The following MED6 variants were observed in gnomAD, a reference collection of about 807,000 sequenced individuals.
MED6 encodes the protein mediator complex subunit 6, also known as mediator of RNA polymerase II transcription subunit 6.
In MED6, 33 loss-of-function variants were observed where a neutral mutation model predicts 37.5. That is an observed-to-expected ratio of 0.88 (90% CI 0.67 to 1.18). The LOEUF is 1.18. Among genes scored for constraint, MED6 ranks in the 50% most tolerant of loss-of-function variants. The probability of loss-of-function intolerance (pLI) is 0.00; values close to 1 mark genes in which losing one functional copy is unlikely to be tolerated. For missense variants in MED6, 235 were observed against 290.6 expected, an observed-to-expected ratio of 0.81 and a Z score of 1.39; for synonymous variants, 94 against 93.6, an observed-to-expected ratio of 1.00 and a Z score of -0.02.
chr14:70,591,576 T>C, intron 5 of MED6, 195 bp from the exon 6 acceptor site: 1 of 488,782 alleles, frequency 2.0e-6, no homozygotes, highest in Admixed American at 4.0e-5. Context: ...TAACTGAAGT[T>C]AAATTCTAAC....
chr14:70,593,160 C>T lies in MED6; in HGVS notation c.357+136G>A, dbSNP rs541563578. On this transcript the variant is annotated intron_variant, in intron 4 of 7. Coordinates refer to ENST00000256379, the MANE Select transcript of MED6 (RefSeq NM_005466.4). ...TGAGCACCGACTTGGCTCACAGTAA[C>T]CAAAGTTCAAGACATTCTAATAGTC... is the stretch of plus-strand genomic sequence containing the variant. The T allele has an allele frequency of 4.7e-5, 58 of 1,229,394 alleles. No individual in the cohort carries two copies. The African/African-American group carries it at 8.0e-4, about 17-fold the overall frequency. The allele number at this position is 1,229,394 out of a possible 1,614,324, so 76.2% of individuals were successfully genotyped here.
At chr14:70,588,208 C>G (rs182478773) in intron 6 of MED6, among the ~76,000 whole-genome samples, 65 of 152,284 alleles carry the variant, frequency 4.3e-4, no homozygotes, top group African/African-American at 1.5e-3. Context: ...AGAAAGCCAT[C>G]TTTCTCCTAG....
At chr14:70,590,265 C>A (rs538525585) in intron 6 of MED6, among the ~76,000 whole-genome samples, 76 of 152,308 alleles carry the variant, frequency 5.0e-4, no homozygotes, top group Middle Eastern at 3.4e-3. Flanking sequence ...CTACACCTAA[C>A]CTCTTACATT....
chr14:70,589,723 T>C (rs914434244), intron 6 of MED6, among the ~76,000 whole-genome samples: 2 of 152,198 alleles, frequency 1.3e-5, no homozygotes, highest in Non-Finnish European at 2.9e-5. Context: ...CTCCTTTGCA[T>C]AGCATACAAA....
chr14:70,599,922 TTAA>T (rs1485553269), intron 1 of MED6, among the ~76,000 whole-genome samples: 1 of 151,890 alleles, frequency 6.6e-6, no homozygotes, highest in East Asian at 1.9e-4. Context: ...CCCAATCCAG[TTAA>T]TATTAAAAAA....
chr14:70,586,446 C>T (rs112756022), intron 6 of MED6, among the ~76,000 whole-genome samples: 77 of 152,282 alleles, frequency 5.1e-4, no homozygotes, highest in African/African-American at 1.7e-3. Context: ...ACCCCTCATC[C>T]GATGACACTG....
rs1417156603 is a variant in MED6, at chr14:70,590,560, A to G, written c.582+706T>C. Among the ~76,000 whole-genome samples, 5 of 152,312 alleles carry G rather than the reference A, an allele frequency of 3.3e-5. No individual in the cohort carries two copies. The South Asian group carries it at 8.3e-4, about 25-fold the overall frequency. On this transcript the variant is annotated intron_variant, in intron 6 of 7. Coordinates refer to ENST00000256379, the MANE Select transcript of MED6 (RefSeq NM_005466.4). ...TTAAAATTTCCCTTGAAAATCCCTTAAAGAGCTCCTAACAAAAACAGGGTA... is the reference window on the plus strand; with the variant it reads ...TTAAAATTTCCCTTGAAAATCCCTTGAAGAGCTCCTAACAAAAACAGGGTA...
chr14:70,598,997 GC>G (rs1291068236), intron 1 of MED6, among the ~76,000 whole-genome samples: 1 of 152,208 alleles, frequency 6.6e-6, no homozygotes, highest in Non-Finnish European at 1.5e-5. Flanking sequence ...ACATGATAGA[GC>G]TAGATACTTT....
At position 70,597,613 on chromosome 14, in the gene MED6, C is replaced by T. The variant is rs377495940; in HGVS notation, c.182+5G>A. 4.8e-6 allele frequency: 7 copies of T among 1,445,158 alleles called. No homozygotes were observed. Among genetic ancestry groups the T allele is most frequent in the Non-Finnish European group, 6.4e-6 (7 of 1,096,984 alleles). The allele number at this position is 1,445,158 out of a possible 1,614,324, so 89.5% of individuals were successfully genotyped here. A position where few individuals can be genotyped will look rare whatever the true frequency, so the allele number is the denominator to read the frequency against. On this transcript the variant is annotated splice_donor_5th_base_variant and intron_variant, in intron 2 of 7. Transcript: ENST00000256379. The stretch of plus-strand genomic sequence containing the variant: ...AAAAAGTGCCACCTTCTTAAAATAA[C>T]TTACTTCAAGTGTTCTAATGTTAGC...
intron 6 of MED6, among the ~76,000 whole-genome samples, chr14:70,590,752 A>T (rs1450018583): frequency 6.6e-6 from 1 of 152,182 alleles, no homozygotes; most frequent in African/African-American, 2.4e-5. Context: ...CCTCCAAATC[A>T]CACAGTGGAA....
intron 5 of MED6, among the ~76,000 whole-genome samples, chr14:70,592,216 T>C (rs149006231): frequency 1.3e-5 from 2 of 152,168 alleles, no homozygotes; most frequent in Non-Finnish European, 1.5e-5. Flanking sequence ...TTTCTGGAGG[T>C]AGTCGAACAG....
chr14:70,591,324 T>C lies in MED6; in HGVS notation c.524A>G (p.Gln175Arg). 6.2e-7 allele frequency: 1 copy of C among 1,608,954 alleles called. No homozygotes were observed. Among genetic ancestry groups the C allele is most frequent in the South Asian group, 1.1e-5 (1 of 89,090 alleles). Residue 175 changes from glutamine (Q) to arginine (R), a missense_variant, in exon 6 of 8, where the codon CAA becomes CGA. Coordinates refer to ENST00000256379, the MANE Select transcript of MED6 (RefSeq NM_005466.4). The stretch of plus-strand genomic sequence containing the variant: ...GTCTAAAAGTAAAGCATCCACACGT[T>C]GTCTCTGAAAAATAGAGCTTGGTTC... ...KEEPSSIFQR[Q>R]RVDALLLDLR...
intron 1 of MED6, 100 bp from the exon 2 acceptor site, chr14:70,597,877 AT>A: frequency 1.1e-6 from 1 of 942,540 alleles, no homozygotes. Context: ...CACTATGAAT[AT>A]AAGGATGACA....
chr14:70,600,522 C>T (rs1440315656), intron 1 of MED6, 94 bp downstream of exon 1: 3 of 1,418,862 alleles, frequency 2.1e-6, no homozygotes, highest in East Asian at 4.8e-5. Flanking sequence ...CTTGAGACTT[C>T]ACACAAAGGA....
chr14:70,596,647 T>G lies in MED6; in HGVS notation c.238A>C (p.Ile80Leu). 6.2e-7 allele frequency: 1 copy of G among 1,613,982 alleles called. No individual in the cohort carries two copies. The highest frequency in any genetic ancestry group is 8.5e-7 in the Non-Finnish European group (1 of 1,179,904). ...GACTGCCGCTGTTGCTTCCGAATGA[T>G]GAAAAGAATGGGCTCTTGAGCATGC... ...LLHAQEPILF[I>L]IRKQQRQSPA... The change falls in exon 3 of 8, where the codon ATC becomes CTC. Residue 80 changes from isoleucine (I) to leucine (L), a missense_variant. Ile to Leu is a conservative substitution (Grantham distance 5, BLOSUM62 2). Coordinates refer to ENST00000256379, the MANE Select transcript of MED6 (RefSeq NM_005466.4).
chr14:70,586,449 T>C (rs1424253960), intron 6 of MED6, among the ~76,000 whole-genome samples: 1 of 152,196 alleles, frequency 6.6e-6, no homozygotes, highest in Non-Finnish European at 1.5e-5. Flanking sequence ...CCTCATCCGA[T>C]GACACTGTCT....
At position 70,596,687 on chromosome 14, in the gene MED6, G is replaced by C; in HGVS notation, c.198C>G (p.Ile66Met). The change falls in exon 3 of 8, where the codon ATC (isoleucine) becomes ATG (methionine). Residue 66 changes from isoleucine to methionine, a missense_variant. Coordinates refer to ENST00000256379, the MANE Select transcript of MED6 (RefSeq NM_005466.4). ...TLEHLNQMVGIEYILLHAQEP... is the reference protein window; with the variant it reads ...TLEHLNQMVGMEYILLHAQEP... ...CTTGAGCATGCAAAAGGATGTACTC[G>C]ATTCCAACCATCTGACTGAAAACAG... The C allele has an allele frequency of 6.2e-7, 1 of 1,613,536 alleles. No homozygotes were observed. Among genetic ancestry groups the C allele is most frequent in the African/African-American group, 1.3e-5 (1 of 75,038 alleles).
chr14:70,599,601 C>A (rs1885145129), intron 1 of MED6, among the ~76,000 whole-genome samples: 1 of 152,208 alleles, frequency 6.6e-6, no homozygotes, highest in South Asian at 2.1e-4. Context: ...CACATCCTCT[C>A]TCACTACCCT....
Position 70,600,651 on chromosome 14 carries a change from T to C in MED6, c.-14A>G. ...CACCGCCGCCATAATTCCGAGAGCG[T>C]TTACAGGTTCTCTTTCCGGCGCAAA... On this transcript the variant is annotated 5_prime_UTR_variant, in exon 1 of 8. Coordinates refer to ENST00000256379, the MANE Select transcript of MED6 (RefSeq NM_005466.4). 6.2e-7 allele frequency: 1 copy of C among 1,612,470 alleles called. No individual in the cohort carries two copies. Among genetic ancestry groups the C allele is most frequent in the Non-Finnish European group, 8.5e-7 (1 of 1,179,730 alleles).
Sources: gnomAD v4.1 joint callset for allele counts (sites outside exome capture counted in the v4.1 genomes callset) on GRCh38, gnomAD v4.1.1 for gene constraint, MANE v1.5 for transcripts, NCBI Gene and HGNC (gene_info 2026-07-23, HGNC 2026-07-21) for gene names.